The following CAST variants were observed in gnomAD, a reference collection of about 807,000 sequenced individuals.
CAST encodes the protein MIR583 host.
CAST carries 76 observed loss-of-function variants against 119.6 expected under a neutral mutation model. The observed-to-expected ratio is 0.64, with a 90% CI of 0.53 to 0.77. CAST has a LOEUF of 0.77. Among genes scored for constraint, CAST ranks in the 30% least tolerant of loss-of-function variants. The pLI is 0.00. For missense variants in CAST, 953 were observed against 946.5 expected, an observed-to-expected ratio of 1.01 and a Z score of -0.09; for synonymous variants, 319 against 331.6, an observed-to-expected ratio of 0.96 and a Z score of 0.41.
At chr5:96,446,870 C>T in the CAST span, among the ~76,000 whole-genome samples, 74,139 of 152,052 alleles carry the variant, frequency 0.49, 19,763 homozygotes, top group African/African-American at 0.72. Context: ...AGCATGCCAC[C>T]TCAGTTTCTG....
chr5:96,411,128 G>C, the CAST span: 2 of 729,182 alleles, frequency 2.7e-6, no homozygotes, highest in Non-Finnish European at 4.9e-6. Flanking sequence ...AGATCTTTTG[G>C]CTTCGATATT....
At chr5:96,657,438 T>G (rs2150206041), upstream of CAST, among the ~76,000 whole-genome samples, 1 of 152,292 alleles carries the variant, frequency 6.6e-6, no homozygotes, top group South Asian at 2.1e-4. Context: ...CTGGGAAAAT[T>G]TAGATGACAA....
the CAST span, chr5:96,415,940 T>A: frequency 1.2e-6 from 1 of 816,740 alleles, no homozygotes; most frequent in Non-Finnish European, 2.2e-6. Context: ...TTCCTCCAGT[T>A]GTTAAAAAGA....
At chr5:96,291,498 A>G in the CAST span, among the ~76,000 whole-genome samples, 1 of 152,188 alleles carries the variant, frequency 6.6e-6, no homozygotes, top group Non-Finnish European at 1.5e-5. Flanking sequence ...AGAAAGATGA[A>G]CAAATGTCAA....
chr5:96,382,504 G>A, the CAST span, among the ~76,000 whole-genome samples: 6 of 152,182 alleles, frequency 3.9e-5, no homozygotes, highest in African/African-American at 1.4e-4. Flanking sequence ...CATCTGATTT[G>A]CACAAAGAAC....
chr5:96,620,413 A>C (rs540086437), intron 1 of CAST, among the ~76,000 whole-genome samples: 1 of 152,008 alleles, frequency 6.6e-6, no homozygotes, highest in South Asian at 2.1e-4. Context: ...TGAGGCTAGC[A>C]GTATGCTTCA....
At chr5:96,714,905 A>G (rs1468846713) in intron 3 of CAST, 1 of 151,486 alleles carries the variant, frequency 6.6e-6, no homozygotes, top group Non-Finnish European at 1.5e-5. Flanking sequence ...TTAAATGTGG[A>G]TTTTTTTTTC....
At chr5:96,107,090 A>C in the CAST span, among the ~76,000 whole-genome samples, 5 of 146,946 alleles carry the variant, frequency 3.4e-5, no homozygotes, top group African/African-American at 1.3e-4. Flanking sequence ...ATCTTCCTCC[A>C]TCCTTTTATT....
the CAST span, chr5:96,215,169 A>G: frequency 1.3e-5 from 2 of 152,210 alleles, no homozygotes; most frequent in African/African-American, 2.4e-5. Flanking sequence ...CCTGCTCACA[A>G]TGAAATACTG....
chr5:96,564,684 C>T (rs973117423), intron 1 of CAST, among the ~76,000 whole-genome samples: 1 of 152,158 alleles, frequency 6.6e-6, no homozygotes, highest in Non-Finnish European at 1.5e-5. Flanking sequence ...TTTGGGAGGC[C>T]GAGGTAGGCA....
At chr5:96,218,437 A>C in the CAST span, among the ~76,000 whole-genome samples, 1 of 152,212 alleles carries the variant, frequency 6.6e-6, no homozygotes, top group African/African-American at 2.4e-5. Flanking sequence ...CTGGAGAGGT[A>C]GAATTAGAAC....
chr5:96,440,316 A>C, the CAST span, among the ~76,000 whole-genome samples: 1 of 151,882 alleles, frequency 6.6e-6, no homozygotes, highest in South Asian at 2.1e-4. Flanking sequence ...GTCTCCTGTG[A>C]GCATCCGTGT....
chr5:96,765,768 A>C (rs983521256), intron 26 of CAST, among the ~76,000 whole-genome samples: 37 of 152,306 alleles, frequency 2.4e-4, no homozygotes, highest in African/African-American at 8.4e-4. Context: ...CTAATCTCCT[A>C]ACATGGTTTC....
chr5:96,685,939 T>C (rs944961174), intron 2 of CAST, among the ~76,000 whole-genome samples: 1 of 152,230 alleles, frequency 6.6e-6, no homozygotes, highest in African/African-American at 2.4e-5. Flanking sequence ...AAACATTGAT[T>C]TCTTTATTTC....
At chr5:96,595,295 A>G (rs1394522389) in intron 1 of CAST, among the ~76,000 whole-genome samples, 1 of 152,238 alleles carries the variant, frequency 6.6e-6, no homozygotes, top group Non-Finnish European at 1.5e-5. Flanking sequence ...GTGAGGAAAA[A>G]GAGTTCCAAC....
chr5:96,226,998 C>T, the CAST span, among the ~76,000 whole-genome samples: 3 of 152,206 alleles, frequency 2.0e-5, no homozygotes, highest in Non-Finnish European at 4.4e-5. Context: ...AACCAATGGG[C>T]TGATTGCAGC....
At chr5:96,375,239 C>T in the CAST span, among the ~76,000 whole-genome samples, 1 of 152,078 alleles carries the variant, frequency 6.6e-6, no homozygotes, top group African/African-American at 2.4e-5. Context: ...CAGGTGTCTT[C>T]AAATATGGAA....
chr5:96,285,177 A>G, the CAST span, among the ~76,000 whole-genome samples: 1 of 152,214 alleles, frequency 6.6e-6, no homozygotes, highest in African/African-American at 2.4e-5. Context: ...TGTGCCAAAC[A>G]TCGTTCCAGG....
chr5:96,029,576 C>A, the CAST span, among the ~76,000 whole-genome samples: 1 of 151,950 alleles, frequency 6.6e-6, no homozygotes, highest in African/African-American at 2.4e-5. Flanking sequence ...ATTTTCTGAC[C>A]AGTAGATATC....
Sources: allele counts gnomAD v4.1 joint callset (sites outside exome capture counted in the v4.1 genomes callset), GRCh38; gene constraint gnomAD v4.1.1; transcripts MANE v1.5; gene names NCBI Gene and HGNC (gene_info 2026-07-23, HGNC 2026-07-21).